The following ROBO2 variants were observed in gnomAD, a reference collection of about 807,000 sequenced individuals.
ROBO2 encodes roundabout guidance receptor 2, also known as roundabout homolog 2.
In ROBO2, 53 loss-of-function variants were observed where a neutral mutation model predicts 160.8. The ratio of observed to expected loss-of-function variants is 0.33; its 90% CI spans 0.26 to 0.41. The LOEUF is 0.41. Among genes scored for constraint, ROBO2 ranks in the 10% least tolerant of loss-of-function variants. The probability of loss-of-function intolerance (pLI) is 1.00; values close to 1 mark genes in which losing one functional copy is unlikely to be tolerated. For missense variants in ROBO2, 1,577 were observed against 1,722.4 expected (o/e 0.92, Z 1.49); for synonymous variants, 664 against 611.7 (o/e 1.09, Z -1.26).
chr3:77,083,975 T>G (rs1385073982), intron 1 of ROBO2, among the ~76,000 whole-genome samples: 2 of 152,110 alleles, frequency 1.3e-5, no homozygotes, highest in Non-Finnish European at 2.9e-5. Context: ...TGAGAGGGAA[T>G]GAGTTCTCTG....
intron 2 of ROBO2, among the ~76,000 whole-genome samples, chr3:76,765,094 T>C (rs988749581): frequency 5.3e-5 from 8 of 151,674 alleles, no homozygotes; most frequent in African/African-American, 1.9e-4. Context: ...CTAATGTCTA[T>C]TGTTCCACTC....
chr3:76,186,987 C>T (rs1355368724), intron 2 of ROBO2, among the ~76,000 whole-genome samples: 1 of 152,036 alleles, frequency 6.6e-6, no homozygotes, highest in African/African-American at 2.4e-5. Flanking sequence ...TCTAAATTCA[C>T]TGATCCTTAT....
At chr3:76,874,960 G>T (rs2072544216) in intron 2 of ROBO2, among the ~76,000 whole-genome samples, 1 of 152,182 alleles carries the variant, frequency 6.6e-6, no homozygotes, top group South Asian at 2.1e-4. Context: ...TTTAACATGA[G>T]AACATTTTCC....
At chr3:76,648,823 C>T (rs2091112313) in intron 2 of ROBO2, among the ~76,000 whole-genome samples, 1 of 151,866 alleles carries the variant, frequency 6.6e-6, no homozygotes, top group South Asian at 2.1e-4. Flanking sequence ...TTTTAAGAAA[C>T]TTAAGTGCAA....
intron 2 of ROBO2, among the ~76,000 whole-genome samples, chr3:77,434,921 T>A (rs2079133231): frequency 6.6e-6 from 1 of 152,080 alleles, no homozygotes; most frequent in African/African-American, 2.4e-5. Flanking sequence ...GAGTACTTGA[T>A]CCCCAAATCA....
At chr3:76,127,452 C>A (rs563553489) in intron 2 of ROBO2, among the ~76,000 whole-genome samples, 8 of 152,060 alleles carry the variant, frequency 5.3e-5, no homozygotes, top group African/African-American at 1.9e-4. Context: ...TAACTATTAT[C>A]TAACTTATAT....
chr3:76,605,109 T>C (rs2087540393), intron 2 of ROBO2, among the ~76,000 whole-genome samples: 1 of 152,154 alleles, frequency 6.6e-6, no homozygotes, highest in Non-Finnish European at 1.5e-5. Context: ...GAAAAATATA[T>C]ACTGATTAAA....
intron 2 of ROBO2, among the ~76,000 whole-genome samples, chr3:77,406,673 T>C (rs1368718390): frequency 6.6e-6 from 1 of 152,136 alleles, no homozygotes; most frequent in Non-Finnish European, 1.5e-5. Flanking sequence ...AGTTGAAAAG[T>C]AAAAATATGA....
intron 1 of ROBO2, among the ~76,000 whole-genome samples, chr3:75,928,045 C>T (rs1346036319): frequency 7.3e-6 from 1 of 136,120 alleles, no homozygotes; most frequent in East Asian, 2.2e-4. Flanking sequence ...AGTGCAGGGG[C>T]GCGATCTCAG....
At chr3:77,385,988 G>A (rs2074059503) in intron 2 of ROBO2, among the ~76,000 whole-genome samples, 1 of 152,148 alleles carries the variant, frequency 6.6e-6, no homozygotes, top group South Asian at 2.1e-4. Flanking sequence ...ATATTGTCAT[G>A]TAAGTCAATT....
At chr3:77,071,768 G>A (rs1043153402) in intron 1 of ROBO2, among the ~76,000 whole-genome samples, 2 of 152,172 alleles carry the variant, frequency 1.3e-5, no homozygotes, top group Non-Finnish European at 2.9e-5. Context: ...TATGGCAAAG[G>A]GATTGCGCAT....
chr3:76,200,115 G>A (rs929463840), intron 2 of ROBO2, among the ~76,000 whole-genome samples: 1 of 152,242 alleles, frequency 6.6e-6, no homozygotes, highest in South Asian at 2.1e-4. Context: ...AAAACATATG[G>A]AAGTTTATTA....
Position 77,617,742 on chromosome 3 carries a change from G to A in ROBO2, c.3523G>A (p.Ala1175Thr), listed in dbSNP as rs775770302. The stretch of plus-strand genomic sequence containing the variant: ...GGCTCACCTGGATGAGTTGACAAGA[G>A]CCTATCAGTTTGATATAGCAAAACA... Residue 1175 changes from alanine (A) to threonine (T), a missense_variant, in exon 22 of 26, where the codon GCC (alanine) becomes ACC (threonine). Ala to Thr is a moderately conservative substitution (Grantham distance 58, BLOSUM62 0). Coordinates refer to ENST00000461745, the Ensembl canonical transcript of ROBO2. 3.7e-6 allele frequency: 6 copies of A among 1,613,634 alleles called. No individual in the cohort carries two copies. The highest frequency in any genetic ancestry group is 1.1e-5 in the South Asian group (1 of 91,070).
chr3:77,377,573 T>C (rs968597117), intron 2 of ROBO2, among the ~76,000 whole-genome samples: 4 of 152,176 alleles, frequency 2.6e-5, no homozygotes, highest in Non-Finnish European at 5.9e-5. Flanking sequence ...ATTTATGGGA[T>C]ACAAATCCAG....
intron 2 of ROBO2, among the ~76,000 whole-genome samples, chr3:76,676,826 A>T (rs1216594335): frequency 1.3e-5 from 2 of 152,060 alleles, no homozygotes; most frequent in African/African-American, 4.8e-5. Context: ...ATCTGTTCCC[A>T]GGCCACTTCA....
chr3:76,722,961 T>C (rs1377332950), intron 2 of ROBO2, among the ~76,000 whole-genome samples: 1 of 152,232 alleles, frequency 6.6e-6, no homozygotes, highest in Non-Finnish European at 1.5e-5. Flanking sequence ...ACATAATTTA[T>C]ATTAATTTCT....
chr3:76,272,223 A>G (rs1389767347), intron 2 of ROBO2, among the ~76,000 whole-genome samples: 1 of 152,142 alleles, frequency 6.6e-6, no homozygotes, highest in Non-Finnish European at 1.5e-5. Flanking sequence ...ATTATGACCC[A>G]GGCATAAATC....
At chr3:76,940,245 A>G (rs1054904251) in intron 2 of ROBO2, among the ~76,000 whole-genome samples, 2 of 151,970 alleles carry the variant, frequency 1.3e-5, no homozygotes, top group Admixed American at 6.6e-5. Flanking sequence ...GCCTCCCAAA[A>G]TGCTGGGATT....
At chr3:76,090,325 C>T (rs2069179549) in intron 2 of ROBO2, among the ~76,000 whole-genome samples, 1 of 152,012 alleles carries the variant, frequency 6.6e-6, no homozygotes, top group African/African-American at 2.4e-5. Context: ...GCCTGTAATC[C>T]CAGCTGCTCG....
Sources: gnomAD v4.1 joint callset for allele counts (sites outside exome capture counted in the v4.1 genomes callset) on GRCh38, gnomAD v4.1.1 for gene constraint, MANE v1.5 for transcripts, NCBI Gene and HGNC (gene_info 2026-07-23, HGNC 2026-07-21) for gene names.